The following IQSEC1 variants were observed in gnomAD, a reference collection of about 807,000 sequenced individuals.
IQSEC1 encodes IQ motif and Sec7 domain ArfGEF 1, also known as IQ motif and SEC7 domain-containing protein 1.
IQSEC1 carries 31 observed loss-of-function variants against 91.0 expected under a neutral mutation model. The ratio of observed to expected loss-of-function variants is 0.34; its 90% confidence interval spans 0.26 to 0.46. The LOEUF (loss-of-function observed/expected upper bound fraction) is 0.46, where lower values mean the gene tolerates loss of function less well. IQSEC1 is among the 20% of genes least tolerant of loss of function. IQSEC1 has a pLI of 1.00. For missense variants in IQSEC1, 1,388 were observed against 1,575.6 expected, an observed-to-expected ratio of 0.88 and a Z score of 2.02; for synonymous variants, 699 against 662.6, an observed-to-expected ratio of 1.05 and a Z score of -0.84.
intron 1 of IQSEC1, among the ~76,000 whole-genome samples, chr3:13,169,308 C>T (rs1399654513): frequency 2.6e-5 from 4 of 152,190 alleles, no homozygotes; most frequent in East Asian, 1.9e-4. Context: ...TGACTTGCTC[C>T]TCCTTGCCTT....
chr3:12,973,162 C>G (rs76742631), intron 1 of IQSEC1, among the ~76,000 whole-genome samples: 3 of 152,172 alleles, frequency 2.0e-5, no homozygotes, highest in Admixed American at 6.5e-5. Context: ...TCCTACGTGA[C>G]ACTGAACTGC....
Position 12,913,414 on chromosome 3 carries a change from G to T in IQSEC1, c.2316+14C>A. ...GAGGTCCCTGCTACAATGCCTTGTG[G>T]GTGAGCCACATACCACCAGGAGGTC... On this transcript the variant is annotated intron_variant, in intron 9 of 13. Coordinates refer to ENST00000613206, the MANE Select transcript of IQSEC1 (RefSeq NM_001134382.3). 1.3e-6 allele frequency: 2 copies of T among 1,582,016 alleles called. No individual in the cohort carries two copies. Among genetic ancestry groups the T allele is most frequent in the Non-Finnish European group, 1.7e-6 (2 of 1,160,860 alleles).
chr3:13,109,908 G>T (rs910753537), intron 2 of IQSEC1, among the ~76,000 whole-genome samples: 1 of 138,362 alleles, frequency 7.2e-6, no homozygotes, highest in African/African-American at 2.7e-5. Flanking sequence ...TTTTTGAGAC[G>T]GAGTCTAGCT....
rs1696686043 is a variant in IQSEC1, at chr3:12,922,119, C to T, written c.1853+1G>A. The T allele has an allele frequency of 1.3e-6, 2 of 1,592,934 alleles. No individual in the cohort carries two copies. Among genetic ancestry groups the T allele is most frequent in the African/African-American group, 1.3e-5 (1 of 74,174 alleles). On this transcript the variant is annotated splice_donor_variant, in intron 5 of 13. Transcript: ENST00000613206. LOFTEE classifies it high-confidence loss of function. This position sits in a 1 kb window ranked among gnomAD's most constrained non-coding sequence, Gnocchi z 5.1. ...GCAGCCCCAGCCAGCCCGGGCCCCA[C>T]CTGAACGCCTCTATGAGCCGCTCCA...
Position 12,899,090 on chromosome 3 carries a change from C to A in IQSEC1, c.*1893G>T. 1 of 468,326 alleles carries A rather than the reference C, an allele frequency of 2.1e-6. No individual in the cohort carries two copies. Among genetic ancestry groups the A allele is most frequent in the Admixed American group, 3.6e-5 (1 of 27,476 alleles). The allele number at this position is 468,326 out of a possible 1,614,324, so 29.0% of individuals were successfully genotyped here. On this transcript the variant is annotated 3_prime_UTR_variant, in exon 14 of 14. Coordinates refer to ENST00000613206, the MANE Select transcript of IQSEC1 (RefSeq NM_001134382.3). ...TAAACTCTAGATTGCTGTATTTGCT[C>A]TCTCTGGAGATTAACAAAGTGCTTG...
intron 2 of IQSEC1, among the ~76,000 whole-genome samples, chr3:13,118,437 G>A (rs1435405735): frequency 6.6e-6 from 1 of 152,174 alleles, no homozygotes; most frequent in Non-Finnish European, 1.5e-5. Flanking sequence ...TGAACGGATA[G>A]ACAAATTTCG....
Position 12,917,293 on chromosome 3 carries a change from C to T in IQSEC1, c.2021-1560G>A, listed in dbSNP as rs927038783. 3.9e-5 allele frequency among the ~76,000 whole-genome samples: 6 copies of T among 152,298 alleles called. No individual in the cohort carries two copies. In the East Asian group the frequency reaches 1.2e-3, roughly 29 times the overall value. ...TTTAGATTGGGGTCCACTCCAGATGCTGTGATTCTGTGGGTTTGGGCAAAC... is the reference window on the plus strand; with the variant it reads ...TTTAGATTGGGGTCCACTCCAGATGTTGTGATTCTGTGGGTTTGGGCAAAC... On this transcript the variant is annotated intron_variant, in intron 6 of 13. Transcript: ENST00000613206.
At chr3:13,271,946 T>C (rs1342264307) in intron 1 of IQSEC1, among the ~76,000 whole-genome samples, 6 of 152,136 alleles carry the variant, frequency 3.9e-5, no homozygotes, top group African/African-American at 1.4e-4. Flanking sequence ...ACTAGGCCTA[T>C]CAAACATGTA....
chr3:13,192,005 C>G (rs1279547494), intron 1 of IQSEC1, among the ~76,000 whole-genome samples: 2 of 152,176 alleles, frequency 1.3e-5, no homozygotes, highest in Non-Finnish European at 2.9e-5. Context: ...TGTTGAAGTT[C>G]TAGCCTCCAG....
chr3:12,900,773 C>G lies in IQSEC1; in HGVS notation c.*210G>C. The G allele has an allele frequency of 6.9e-7, 1 of 1,443,316 alleles. No homozygotes were observed. The highest frequency in any genetic ancestry group is 9.1e-7 in the Non-Finnish European group (1 of 1,103,108). 89.4% of individuals were successfully genotyped at this position (1,443,316 alleles called of 1,614,324 possible). A position where few individuals can be genotyped will look rare whatever the true frequency, so the allele number is the denominator to read the frequency against. On this transcript the variant is annotated 3_prime_UTR_variant, in exon 14 of 14. Transcript: ENST00000613206. ...ATCCCTCAGACTGAGGTGAGCAGAG[C>G]CCAGGGTGCCAACAAGAAATGAAAT...
At chr3:13,220,782 G>A (rs1268691891) in intron 1 of IQSEC1, among the ~76,000 whole-genome samples, 1 of 152,178 alleles carries the variant, frequency 6.6e-6, no homozygotes, top group African/African-American at 2.4e-5. Flanking sequence ...CTCACGTCCC[G>A]GGATATTTGG....
intron 1 of IQSEC1, among the ~76,000 whole-genome samples, chr3:13,058,745 T>C (rs1168499695): frequency 1.3e-5 from 2 of 152,124 alleles, no homozygotes; most frequent in East Asian, 3.9e-4. Flanking sequence ...GCTGGAAAGC[T>C]CGGTCTGAGT....
At chr3:13,225,778 G>A (rs751222500) in intron 1 of IQSEC1, among the ~76,000 whole-genome samples, 6 of 152,342 alleles carry the variant, frequency 3.9e-5, no homozygotes, top group East Asian at 1.9e-4. Flanking sequence ...TGGTAGAGGG[G>A]CAATTTAGGT....
chr3:12,991,331 A>G (rs1471587456), intron 1 of IQSEC1, among the ~76,000 whole-genome samples: 1 of 152,170 alleles, frequency 6.6e-6, no homozygotes, highest in Non-Finnish European at 1.5e-5. Flanking sequence ...GCGGGGGCCC[A>G]GTGGAAAGGC....
intron 1 of IQSEC1, among the ~76,000 whole-genome samples, chr3:13,187,352 C>T (rs1224574028): frequency 2.0e-5 from 3 of 152,228 alleles, no homozygotes; most frequent in Non-Finnish European, 1.5e-5. Context: ...TTGGCACTCC[C>T]AGGACCTAGC....
intron 1 of IQSEC1, among the ~76,000 whole-genome samples, chr3:13,225,443 T>C (rs553400810): frequency 6.6e-6 from 1 of 152,360 alleles, no homozygotes; most frequent in Admixed American, 6.5e-5. Context: ...GATTTGGGCC[T>C]GTTTTTCTCT....
intron 2 of IQSEC1, among the ~76,000 whole-genome samples, chr3:13,111,747 T>C (rs901437834): frequency 6.6e-6 from 1 of 152,154 alleles, no homozygotes; most frequent in African/African-American, 2.4e-5. Context: ...CTCTCTGCCA[T>C]GTGAGGACAC....
chr3:13,257,248 A>G (rs1429413051), intron 1 of IQSEC1, among the ~76,000 whole-genome samples: 1 of 152,170 alleles, frequency 6.6e-6, no homozygotes, highest in Non-Finnish European at 1.5e-5. Context: ...TCTCACGGGC[A>G]TGATTTCACA....
At chr3:13,182,230 A>G (rs1345221101) in intron 1 of IQSEC1, among the ~76,000 whole-genome samples, 8 of 152,148 alleles carry the variant, frequency 5.3e-5, no homozygotes, top group Non-Finnish European at 7.3e-5. Context: ...TCTGGTATCT[A>G]TATCTGACAA....
Sources: gnomAD v4.1 joint callset for allele counts (sites outside exome capture counted in the v4.1 genomes callset) on GRCh38, gnomAD v4.1.1 for gene constraint, Gnocchi (gnomAD v3.1) non-coding constraint, MANE v1.5 for transcripts, NCBI Gene and HGNC (gene_info 2026-07-23, HGNC 2026-07-21) for gene names.